Variants in FHIT observed in about 807,000 individuals in gnomAD.
The protein encoded by FHIT is fragile histidine triad diadenosine triphosphatase, also known as bis(5'-adenosyl)-triphosphatase.
A neutral mutation model predicts 17.9 loss-of-function variants in FHIT; 19 were observed. The observed-to-expected ratio is 1.06, with a 90% CI of 0.74 to 1.56. The LOEUF (loss-of-function observed/expected upper bound fraction) is 1.56. Among genes scored for constraint, FHIT ranks in the 40% most tolerant of loss-of-function variants. The pLI is 0.00. For synonymous variants in FHIT, 81 were observed against 69.7 expected (o/e 1.16, Z -0.81); for missense variants, 248 against 189.2 (o/e 1.31, Z -1.82).
intron 3 of FHIT, among the ~76,000 whole-genome samples, chr3:60,936,544 T>C (rs1464193606): frequency 6.6e-6 from 1 of 152,236 alleles, no homozygotes; most frequent in Non-Finnish European, 1.5e-5. Flanking sequence ...AGCCATGTTA[T>C]AGAACTTAGG....
intron 9 of FHIT, chr3:59,749,862 G>A (rs1700791811): frequency 8.8e-6 from 2 of 226,010 alleles, no homozygotes; most frequent in Non-Finnish European, 1.8e-5. Context: ...AGGTAATGAT[G>A]ACAGTCTTGG....
intron 1 of FHIT, among the ~76,000 whole-genome samples, chr3:61,220,009 C>T (rs2039794514): frequency 6.6e-6 from 1 of 152,128 alleles, no homozygotes; most frequent in African/African-American, 2.4e-5. Flanking sequence ...TTGCATTCTG[C>T]AGCCCTCACC....
At chr3:60,916,085 T>G (rs782180679) in intron 3 of FHIT, among the ~76,000 whole-genome samples, 4 of 152,160 alleles carry the variant, frequency 2.6e-5, no homozygotes, top group African/African-American at 4.8e-5. Context: ...ATAGACCCAT[T>G]TTTGTGATGG....
chr3:60,436,488 A>C (rs187310687), intron 5 of FHIT, among the ~76,000 whole-genome samples: 52 of 152,262 alleles, frequency 3.4e-4, no homozygotes, highest in Admixed American at 9.8e-4. Context: ...ACAGCAGTGA[A>C]TAAAACAGAC....
intron 5 of FHIT, among the ~76,000 whole-genome samples, chr3:60,365,690 T>G (rs878940985): frequency 1.3e-5 from 2 of 152,220 alleles, no homozygotes; most frequent in Non-Finnish European, 2.9e-5. Flanking sequence ...TATGAAAATT[T>G]TCAATGATTT....
At chr3:60,037,751 T>C (rs574699586) in intron 5 of FHIT, among the ~76,000 whole-genome samples, 1 of 150,658 alleles carries the variant, frequency 6.6e-6, no homozygotes, top group African/African-American at 2.4e-5. Flanking sequence ...TCTTGCTCTG[T>C]CACCCAGGCT....
At chr3:61,194,711 C>G (rs955575677) in intron 2 of FHIT, among the ~76,000 whole-genome samples, 1 of 151,986 alleles carries the variant, frequency 6.6e-6, no homozygotes, top group Non-Finnish European at 1.5e-5. Flanking sequence ...AGTTGAGATT[C>G]CCAAATAATA....
rs116785599 is a variant in FHIT, at chr3:60,528,093, C to T, written c.103+8767G>A. ...GGCTAAAGCAATCCTCCTACCTCAG[C>T]CTCCCTAGTAGTTAGGACTACAGAT... On this transcript the variant is annotated intron_variant, in intron 5 of 9. Transcript: ENST00000492590. 5.8e-3 allele frequency among the ~76,000 whole-genome samples: 885 copies of T among 152,304 alleles called. 6 individuals carry two copies. Among genetic ancestry groups the T allele is most frequent in the African/African-American group, 0.021 (857 of 41,562 alleles).
At chr3:60,455,004 A>T (rs529099524) in intron 5 of FHIT, among the ~76,000 whole-genome samples, 2 of 152,204 alleles carry the variant, frequency 1.3e-5, no homozygotes, top group African/African-American at 4.8e-5. Flanking sequence ...CTTTGAACTC[A>T]ATGTCTTTAG....
chr3:60,968,602 A>G (rs762074137), intron 3 of FHIT, among the ~76,000 whole-genome samples: 19 of 152,120 alleles, frequency 1.2e-4, no homozygotes, highest in African/African-American at 3.1e-4. Flanking sequence ...TATTAGAGAC[A>G]GGATTTCACC....
At chr3:61,073,881 A>T (rs556698790) in intron 2 of FHIT, among the ~76,000 whole-genome samples, 3 of 152,198 alleles carry the variant, frequency 2.0e-5, no homozygotes, top group Admixed American at 2.0e-4. Context: ...ACTGGCACCC[A>T]GCTCTTCATT....
chr3:59,917,190 C>A (rs1559728469), intron 8 of FHIT, among the ~76,000 whole-genome samples: 1 of 152,234 alleles, frequency 6.6e-6, no homozygotes. Context: ...TTTCCCATGA[C>A]ATGCTTGAAC....
rs73836192 is a variant in FHIT at position 60,850,610 on chromosome 3, T to A, written c.-110-28599A>T. On this transcript the variant is annotated intron_variant, in intron 3 of 9. Coordinates refer to ENST00000492590, the MANE Select transcript of FHIT (RefSeq NM_002012.4). ...AAACACCATGAAGACAAAAAGGTAT[T>A]GTGCTCACCACTTGTTTATCCAGAG... 5.4e-3 allele frequency among the ~76,000 whole-genome samples: 816 copies of A among 152,184 alleles called. 6 individuals are homozygous for A. Among genetic ancestry groups the A allele is most frequent in the African/African-American group, 0.017 (725 of 41,524 alleles).
At chr3:60,248,135 T>C (rs1275006161) in intron 5 of FHIT, among the ~76,000 whole-genome samples, 1 of 152,102 alleles carries the variant, frequency 6.6e-6, no homozygotes, top group Non-Finnish European at 1.5e-5. Flanking sequence ...TGCCTCGTTA[T>C]AAAAAAGCTG....
intron 4 of FHIT, among the ~76,000 whole-genome samples, chr3:60,575,501 C>T (rs2037535012): frequency 6.6e-6 from 1 of 152,248 alleles, no homozygotes; most frequent in South Asian, 2.1e-4. Context: ...ACTGTAGAAA[C>T]AGGCTTACAC....
chr3:61,039,223 A>G (rs1418403192), intron 3 of FHIT, among the ~76,000 whole-genome samples: 1 of 152,144 alleles, frequency 6.6e-6, no homozygotes, highest in Non-Finnish European at 1.5e-5. Context: ...AGCTCCTACT[A>G]CTGTTGCTAC....
At chr3:59,836,380 G>A (rs1419782644) in intron 8 of FHIT, among the ~76,000 whole-genome samples, 1 of 152,114 alleles carries the variant, frequency 6.6e-6, no homozygotes, top group East Asian at 1.9e-4. Flanking sequence ...TGCTGGTTTG[G>A]ATAACTAAGT....
chr3:60,409,465 T>G (rs1296786470), intron 5 of FHIT, among the ~76,000 whole-genome samples: 2 of 152,206 alleles, frequency 1.3e-5, no homozygotes, highest in African/African-American at 4.8e-5. Flanking sequence ...TTGAAAGATT[T>G]ACTTTAACTG....
At chr3:61,050,696 G>C (rs2033992254) in intron 2 of FHIT, among the ~76,000 whole-genome samples, 1 of 152,190 alleles carries the variant, frequency 6.6e-6, no homozygotes, top group Non-Finnish European at 1.5e-5. Context: ...GCAAGATATT[G>C]ATAATTATTA....
Sources: gnomAD v4.1 joint callset for allele counts (sites outside exome capture counted in the v4.1 genomes callset) on GRCh38, gnomAD v4.1.1 for gene constraint, MANE v1.5 for transcripts, NCBI Gene and HGNC (gene_info 2026-07-23, HGNC 2026-07-21) for gene names.